METTL8: variants seen among roughly 807,000 people sequenced by gnomAD.
METTL8 encodes the protein tRNA N(3)-cytidine methyltransferase METTL8, mitochondrial.
In METTL8, 32 loss-of-function variants were observed where a neutral mutation model predicts 48.7. The observed-to-expected ratio is 0.66, with a 90% CI of 0.50 to 0.88. METTL8 has a LOEUF of 0.88. METTL8 is among the 40% of genes least tolerant of loss of function. The pLI is 0.00. For synonymous variants in METTL8, 136 were observed against 157.1 expected (o/e 0.87, Z 1.01); for missense variants, 464 against 474.4 (o/e 0.98, Z 0.20).
At chr2:171,358,910 A>T (rs1684867063) in intron 3 of METTL8, among the ~76,000 whole-genome samples, 1 of 152,208 alleles carries the variant, frequency 6.6e-6, no homozygotes, top group African/African-American at 2.4e-5. Flanking sequence ...ATATATTTGC[A>T]AACTACCCAT....
intron 5 of METTL8, among the ~76,000 whole-genome samples, chr2:171,335,432 A>T (rs563990315): frequency 2.1e-4 from 32 of 152,018 alleles, no homozygotes; most frequent in East Asian, 1.2e-3. Context: ...AATTAAAAAA[A>T]TTTTTTTTGA....
chr2:171,401,616 G>A (rs1689647504), intron 1 of METTL8, among the ~76,000 whole-genome samples: 1 of 152,102 alleles, frequency 6.6e-6, no homozygotes, highest in South Asian at 2.1e-4. Context: ...ATTTCTCTAA[G>A]GGATTTAATG....
intron 1 of METTL8, among the ~76,000 whole-genome samples, chr2:171,403,242 AG>A (rs1242621959): frequency 1.3e-5 from 2 of 152,118 alleles, no homozygotes; most frequent in African/African-American, 4.8e-5. Context: ...CAGGTGATCA[AG>A]GTTAACACGA....
intron 7 of METTL8, among the ~76,000 whole-genome samples, chr2:171,327,734 T>C (rs1685099947): frequency 6.6e-6 from 1 of 152,102 alleles, no homozygotes; most frequent in South Asian, 2.1e-4. Flanking sequence ...CATAAGGACA[T>C]AAAAGAAAAA....
At chr2:171,384,959 G>C (rs1037690744) in intron 2 of METTL8, among the ~76,000 whole-genome samples, 1 of 151,872 alleles carries the variant, frequency 6.6e-6, no homozygotes, top group Non-Finnish European at 1.5e-5. Context: ...AAATAAAAAA[G>C]AGTATCTTTA....
intron 3 of METTL8, among the ~76,000 whole-genome samples, chr2:171,359,173 CAAA>C (rs57742852): frequency 3.7e-5 from 4 of 109,552 alleles, no homozygotes; most frequent in Non-Finnish European, 3.6e-5. Context: ...GACCCTGTCT[CAAA>C]AAAAAAAAAA....
intron 2 of METTL8, among the ~76,000 whole-genome samples, chr2:171,380,169 G>T (rs761839642): frequency 2.0e-5 from 3 of 152,112 alleles, no homozygotes; most frequent in Non-Finnish European, 4.4e-5. Flanking sequence ...TTCAATAGAT[G>T]CAGAAAAGGC....
chr2:171,359,724 T>C (rs1039828539), intron 3 of METTL8, among the ~76,000 whole-genome samples: 4 of 151,992 alleles, frequency 2.6e-5, no homozygotes, highest in Non-Finnish European at 5.9e-5. Context: ...GCGATTCTCC[T>C]GCCTCAGCCT....
intron 1 of METTL8, among the ~76,000 whole-genome samples, chr2:171,429,971 C>T (rs1478358812): frequency 1.1e-4 from 17 of 149,494 alleles, no homozygotes; most frequent in Admixed American, 2.7e-4. Context: ...ACCCGGGAAG[C>T]AGAGGTTGCA....
intron 2 of METTL8, among the ~76,000 whole-genome samples, chr2:171,378,357 G>C (rs1184755982): frequency 1.3e-5 from 2 of 152,228 alleles, no homozygotes; most frequent in Non-Finnish European, 2.9e-5. Context: ...TACATGGCTG[G>C]ATGCAGTGGC....
At chr2:171,427,213 G>C (rs1692507480) in intron 1 of METTL8, among the ~76,000 whole-genome samples, 2 of 152,008 alleles carry the variant, frequency 1.3e-5, no homozygotes, top group African/African-American at 4.8e-5. Context: ...AATACATCTT[G>C]AATCTTGTTC....
intron 5 of METTL8, 97 bp from the exon 6 acceptor site, chr2:171,331,964 T>C (rs1685585312): frequency 2.4e-6 from 2 of 826,154 alleles, no homozygotes; most frequent in African/African-American, 1.7e-5. Context: ...TAGCTCACTA[T>C]AACCTTGAGC....
chr2:171,375,255 G>A (rs553433871), intron 2 of METTL8: 37 of 1,101,766 alleles, frequency 3.4e-5, no homozygotes, highest in Admixed American at 1.9e-4. Flanking sequence ...TGGCATGACC[G>A]TTGTTCCTTC....
chr2:171,330,764 TA>T, intron 6 of METTL8, 66 bp from the exon 7 acceptor site: 10 of 1,280,904 alleles, frequency 7.8e-6, no homozygotes, highest in South Asian at 3.0e-5. Flanking sequence ...TTTTTTTTTT[TA>T]AATAAAAAGG....
upstream of METTL8, chr2:171,434,298 C>T (rs890714096): frequency 2.3e-5 from 14 of 600,018 alleles, no homozygotes; most frequent in East Asian, 1.5e-4. Flanking sequence ...GCCGGCCGCG[C>T]GGTACCGGAG....
chr2:171,407,109 T>G (rs1481633860), intron 1 of METTL8, among the ~76,000 whole-genome samples: 1 of 151,910 alleles, frequency 6.6e-6, no homozygotes, highest in African/African-American at 2.4e-5. Flanking sequence ...AACCACAGAG[T>G]AAGCCCATGC....
At chr2:171,374,950 G>A in intron 2 of METTL8, 2 of 1,269,890 alleles carry the variant, frequency 1.6e-6, no homozygotes, top group Non-Finnish European at 2.3e-6. Flanking sequence ...CTTTGGTGGG[G>A]GACGTGGGGC....
chr2:171,388,867 G>C (rs1688316726), intron 2 of METTL8, among the ~76,000 whole-genome samples: 1 of 152,056 alleles, frequency 6.6e-6, no homozygotes, highest in South Asian at 2.1e-4. Flanking sequence ...TGTTACTATT[G>C]TAATTGTTTT....
chr2:171,352,465 G>A (rs1272683610), intron 3 of METTL8, among the ~76,000 whole-genome samples: 1 of 152,148 alleles, frequency 6.6e-6, no homozygotes, highest in Non-Finnish European at 1.5e-5. Context: ...TTTGGTATCA[G>A]GATGATGCTG....
Sources: gnomAD v4.1 joint callset for allele counts (sites outside exome capture counted in the v4.1 genomes callset) on GRCh38, gnomAD v4.1.1 for gene constraint, MANE v1.5 for transcripts, NCBI Gene and HGNC (gene_info 2026-07-23, HGNC 2026-07-21) for gene names.